KLHL1: variants seen among roughly 807,000 people sequenced by gnomAD.
KLHL1 encodes the protein kelch like family member 1.
Under a neutral mutation model 77.7 loss-of-function variants are expected in KLHL1, and 47 were observed. That is an observed-to-expected ratio of 0.60 (90% CI 0.48 to 0.77). The LOEUF is 0.77. KLHL1 is among the 30% of genes least tolerant of loss of function. The probability of loss-of-function intolerance (pLI) is 0.00; values close to 1 mark genes in which losing one functional copy is unlikely to be tolerated. For missense variants in KLHL1, 925 were observed against 910.8 expected, an observed-to-expected ratio of 1.02 and a Z score of -0.20; for synonymous variants, 360 against 325.2, an observed-to-expected ratio of 1.11 and a Z score of -1.15.
intron 4 of KLHL1, among the ~76,000 whole-genome samples, chr13:69,927,697 C>T (rs755047406): frequency 2.0e-5 from 3 of 152,036 alleles, no homozygotes; most frequent in African/African-American, 4.8e-5. Flanking sequence ...ACAAAAACCA[C>T]GAAATACTAT....
At chr13:69,784,433 G>A (rs1451715159) in intron 7 of KLHL1, among the ~76,000 whole-genome samples, 2 of 152,128 alleles carry the variant, frequency 1.3e-5, no homozygotes, top group African/African-American at 4.8e-5. Context: ...CTGTATTCAG[G>A]AAACCCATCT....
chr13:69,758,316 C>A (rs1874861942), intron 7 of KLHL1, among the ~76,000 whole-genome samples: 1 of 152,036 alleles, frequency 6.6e-6, no homozygotes, highest in Admixed American at 6.6e-5. Context: ...TTCATTTAAT[C>A]CTGGTCAGCT....
At position 70,076,552 on chromosome 13, in the gene KLHL1, C is replaced by A. The variant is rs79532887; in HGVS notation, c.497+30651G>T. ...ATATAGGAGAAAATCTACATGACCTCGGGTTTGACAATGTGACAATGAGTT... is the reference window on the plus strand; with the variant it reads ...ATATAGGAGAAAATCTACATGACCTAGGGTTTGACAATGTGACAATGAGTT... On this transcript the variant is annotated intron_variant, in intron 1 of 10. Coordinates refer to ENST00000377844, the MANE Select transcript of KLHL1 (RefSeq NM_020866.3). 6.4e-4 allele frequency among the ~76,000 whole-genome samples: 97 copies of A among 151,442 alleles called. No individual in the cohort carries two copies. In the East Asian group the frequency reaches 0.018, roughly 28 times the overall value.
At chr13:70,021,104 T>C (rs1163875164) in intron 1 of KLHL1, among the ~76,000 whole-genome samples, 8 of 152,100 alleles carry the variant, frequency 5.3e-5, no homozygotes, top group Non-Finnish European at 1.0e-4. Flanking sequence ...TTTGAACAAA[T>C]GTATAATGAC....
intron 1 of KLHL1, among the ~76,000 whole-genome samples, chr13:70,081,737 C>T (rs9572353): frequency 0.13 from 19,436 of 152,140 alleles, 1,766 homozygotes; most frequent in East Asian, 0.49. Context: ...ATACCTGGAT[C>T]GTGGCCTAGT....
At chr13:69,783,758 G>GGGAACCAAGTTGGAAAACACTCTGCA (rs1876359225) in intron 7 of KLHL1, among the ~76,000 whole-genome samples, 6 of 115,586 alleles carry the variant, frequency 5.2e-5, no homozygotes, top group African/African-American at 2.1e-4. Context: ...AACACTCTGC[G>GGGAACCAAGTTGGAAAACACTCTGCA]GGATATTATC....
intron 4 of KLHL1, chr13:69,895,232 C>A (rs113033795): frequency 0.046 from 23,710 of 516,532 alleles, 721 homozygotes; most frequent in African/African-American, 0.089. Context: ...AGTTTGCTGG[C>A]AGCATCTGGT....
intron 5 of KLHL1, among the ~76,000 whole-genome samples, chr13:69,869,662 A>G (rs1222715388): frequency 4.6e-5 from 7 of 152,280 alleles, no homozygotes; most frequent in Non-Finnish European, 8.8e-5. Context: ...TTTTTGTTTC[A>G]GCTTTCAGAG....
chr13:69,704,641 T>C (rs1464468105), intron 10 of KLHL1, among the ~76,000 whole-genome samples: 3 of 151,790 alleles, frequency 2.0e-5, no homozygotes, highest in African/African-American at 7.2e-5. Context: ...TAATTAATCA[T>C]GCTATTTTAA....
chr13:69,710,831 G>A (rs1875841190), intron 9 of KLHL1, among the ~76,000 whole-genome samples: 1 of 151,826 alleles, frequency 6.6e-6, no homozygotes, highest in Non-Finnish European at 1.5e-5. Context: ...TTTTTAATAA[G>A]GTGGTGGGTG....
intron 1 of KLHL1, among the ~76,000 whole-genome samples, chr13:70,079,736 T>C (rs151266221): frequency 6.6e-6 from 1 of 152,338 alleles, no homozygotes; most frequent in East Asian, 1.9e-4. Context: ...CTAGGTAATA[T>C]TACTCTTTCT....
chr13:70,011,515 A>C (rs1296440620), intron 1 of KLHL1, among the ~76,000 whole-genome samples: 1 of 152,186 alleles, frequency 6.6e-6, no homozygotes, highest in Non-Finnish European at 1.5e-5. Flanking sequence ...TTTGGCAAAG[A>C]AGAAAGAATA....
At chr13:70,092,832 A>G (rs1887699369) in intron 1 of KLHL1, among the ~76,000 whole-genome samples, 1 of 152,190 alleles carries the variant, frequency 6.6e-6, no homozygotes, top group African/African-American at 2.4e-5. Context: ...TTAAACAAAT[A>G]GAGGAGTAGC....
chr13:69,893,190 T>G (rs1306288806), intron 4 of KLHL1, among the ~76,000 whole-genome samples: 1 of 151,832 alleles, frequency 6.6e-6, no homozygotes, highest in Non-Finnish European at 1.5e-5. Flanking sequence ...ATAAAAAAAT[T>G]GGAATAAAGT....
At chr13:70,015,786 G>A (rs1885642468) in intron 1 of KLHL1, among the ~76,000 whole-genome samples, 1 of 151,996 alleles carries the variant, frequency 6.6e-6, no homozygotes, top group Non-Finnish European at 1.5e-5. Context: ...TTTATGATGG[G>A]TTTACTGGAC....
chr13:69,911,039 G>A (rs1047090711), intron 4 of KLHL1, among the ~76,000 whole-genome samples: 10 of 152,138 alleles, frequency 6.6e-5, no homozygotes, highest in South Asian at 4.1e-4. Context: ...GATCAGTATA[G>A]AATCAGACAA....
intron 6 of KLHL1, among the ~76,000 whole-genome samples, chr13:69,800,498 T>C (rs1478110760): frequency 6.6e-6 from 1 of 152,198 alleles, no homozygotes; most frequent in South Asian, 2.1e-4. Context: ...TTGTAGAGCT[T>C]ACTCATACTA....
intron 3 of KLHL1, among the ~76,000 whole-genome samples, chr13:69,957,168 A>G (rs984428583): frequency 2.0e-5 from 3 of 151,746 alleles, no homozygotes; most frequent in Admixed American, 6.6e-5. Context: ...ACAGAATAGG[A>G]GCTGCATTAG....
intron 7 of KLHL1, among the ~76,000 whole-genome samples, chr13:69,756,358 G>A (rs1874736974): frequency 6.6e-6 from 1 of 152,094 alleles, no homozygotes; most frequent in Admixed American, 6.6e-5. Context: ...ATTAGATTTT[G>A]TGACTAAAAT....
Sources: gnomAD v4.1 joint callset for allele counts (sites outside exome capture counted in the v4.1 genomes callset) on GRCh38, gnomAD v4.1.1 for gene constraint, MANE v1.5 for transcripts, NCBI Gene and HGNC (gene_info 2026-07-23, HGNC 2026-07-21) for gene names.